The following FMN1 variants were observed in gnomAD, a reference collection of about 807,000 sequenced individuals.
FMN1 encodes the protein formin-1.
In FMN1, 110 loss-of-function variants were observed where a neutral mutation model predicts 132.4. That is an observed-to-expected ratio of 0.83 (90% CI 0.71 to 0.97). The LOEUF is 0.97. Ranked by LOEUF, FMN1 falls within the 50% of genes least tolerant of loss-of-function variation. The pLI is 0.00. For synonymous variants in FMN1, 722 were observed against 651.7 expected, an observed-to-expected ratio of 1.11 and a Z score of -1.64; for missense variants, 1,792 against 1,705.3, an observed-to-expected ratio of 1.05 and a Z score of -0.90.
At chr15:32,819,772 T>C (rs756327827) in intron 17 of FMN1, among the ~76,000 whole-genome samples, 5 of 152,162 alleles carry the variant, frequency 3.3e-5, no homozygotes, top group Non-Finnish European at 7.4e-5. Context: ...CCACTTCTCA[T>C]TTTGACGAGG....
rs374652397 is a variant in FMN1 at position 32,931,450 on chromosome 15, G to A, written c.3139-5189C>T. Among the ~76,000 whole-genome samples, 29 of 151,976 alleles carry A rather than the reference G, an allele frequency of 1.9e-4. 1 individual carries two copies. The highest frequency in any genetic ancestry group is 8.3e-4 in the South Asian group (4 of 4,816). On this transcript the variant is annotated intron_variant, in intron 9 of 20. Coordinates refer to ENST00000616417, the MANE Select transcript of FMN1 (RefSeq NM_001277313.2). ...TATTCCTAAGTATTTCATTTTTTTG[G>A]ATGTTACTTTAAATGAAATTGTTTT... is the stretch of plus-strand genomic sequence containing the variant.
chr15:33,094,401 C>T (rs2039005754), intron 4 of FMN1, among the ~76,000 whole-genome samples: 1 of 152,172 alleles, frequency 6.6e-6, no homozygotes, highest in Non-Finnish European at 1.5e-5. Context: ...ATCACACAGT[C>T]ATGTGAAAGG....
chr15:33,190,392 T>A (rs1966032827), intron 2 of FMN1, among the ~76,000 whole-genome samples: 2 of 152,176 alleles, frequency 1.3e-5, no homozygotes, highest in Non-Finnish European at 2.9e-5. Context: ...TTGGAAACCA[T>A]GAGGTTTCCC....
chr15:33,030,238 T>C (rs938871174), intron 6 of FMN1, among the ~76,000 whole-genome samples: 1 of 152,164 alleles, frequency 6.6e-6, no homozygotes, highest in African/African-American at 2.4e-5. Context: ...ATTAGCTGAC[T>C]GAAATGGAAA....
At chr15:33,076,935 CAT>C (rs902491593) in intron 5 of FMN1, among the ~76,000 whole-genome samples, 3 of 152,128 alleles carry the variant, frequency 2.0e-5, no homozygotes, top group South Asian at 2.1e-4. Flanking sequence ...CTAATACCCA[CAT>C]GATTAATTCA....
At chr15:32,866,376 G>C (rs1435006249) in intron 16 of FMN1, among the ~76,000 whole-genome samples, 1 of 151,916 alleles carries the variant, frequency 6.6e-6, no homozygotes, top group African/African-American at 2.4e-5. Flanking sequence ...AATCTTGTGA[G>C]GACTAAATAA....
At position 32,874,017 on chromosome 15, in the gene FMN1, G is replaced by GTTTTTTTTT. The variant is rs962842419; in HGVS notation, c.3835+14146_3835+14154dup. ...TATGATTCACAATTTTATTTTAGTT[G>GTTTTTTTTT]TTTTTTTTTTTTTTTTTTTGATACA... On this transcript the variant is annotated intron_variant, in intron 16 of 20. Coordinates refer to ENST00000616417, the MANE Select transcript of FMN1 (RefSeq NM_001277313.2). Among the ~76,000 whole-genome samples, 19 of 115,090 alleles carry GTTTTTTTTT rather than the reference G, an allele frequency of 1.7e-4. 1 individual carries two copies. Among genetic ancestry groups the GTTTTTTTTT allele is most frequent in the African/African-American group, 3.4e-4 (10 of 29,530 alleles). 75.5% of individuals were successfully genotyped at this position (115,090 alleles called of 152,430 possible).
chr15:32,997,252 CTGAAACCAG>C (rs2033825223), intron 7 of FMN1, among the ~76,000 whole-genome samples: 1 of 151,868 alleles, frequency 6.6e-6, no homozygotes, highest in African/African-American at 2.4e-5. Flanking sequence ...CACCTTATTT[CTGAAACCAG>C]TGAAATAAAA....
At chr15:32,941,650 A>G (rs976312514) in intron 9 of FMN1, among the ~76,000 whole-genome samples, 2 of 152,068 alleles carry the variant, frequency 1.3e-5, no homozygotes, top group African/African-American at 2.4e-5. Context: ...TAATCCTCCA[A>G]GTCATTTTCT....
chr15:33,099,512 G>A (rs2039213675), intron 4 of FMN1, among the ~76,000 whole-genome samples: 1 of 152,174 alleles, frequency 6.6e-6, no homozygotes, highest in Admixed American at 6.5e-5. Flanking sequence ...GAGCTATCAA[G>A]ATCAGCAAAC....
At chr15:32,975,631 A>C (rs1381324564) in intron 7 of FMN1, among the ~76,000 whole-genome samples, 1 of 152,078 alleles carries the variant, frequency 6.6e-6, no homozygotes, top group East Asian at 1.9e-4. Context: ...TAAAACATCC[A>C]AATTTTTTTT....
intron 7 of FMN1, among the ~76,000 whole-genome samples, chr15:32,989,388 T>G (rs1333966141): frequency 2.0e-5 from 3 of 152,156 alleles, no homozygotes; most frequent in African/African-American, 4.8e-5. Context: ...TCATGTATGA[T>G]GAGGAACCCT....
chr15:32,798,909 C>T lies in FMN1; in HGVS notation c.4025G>A (p.Gly1342Asp), dbSNP rs2057382780. 1.2e-6 allele frequency: 2 copies of T among 1,612,330 alleles called. No individual in the cohort carries two copies. Among genetic ancestry groups the T allele is most frequent in the Non-Finnish European group, 1.7e-6 (2 of 1,179,310 alleles). ...VRYFGMKPKSGEKEITPSYVF... is the reference protein window; with the variant it reads ...VRYFGMKPKSDEKEITPSYVF... ...GTAGCTGGGTGTGATCTCCTTCTCA[C>T]CAGACTTTGGCTTCATCCCAAAATA... The change falls in exon 19 of 21, where the codon GGT becomes GAT. Residue 1342 changes from glycine to aspartate, a missense_variant. This residue lies in a region of FMN1 where 1,150 missense variants were observed against 1,043.1 expected (regional missense o/e 1.10). Coordinates refer to ENST00000616417, the MANE Select transcript of FMN1 (RefSeq NM_001277313.2).
chr15:32,964,016 T>TACAC (rs374980152), intron 9 of FMN1, 91 bp downstream of exon 9: 38,711 of 501,732 alleles, frequency 0.077, 343 homozygotes, highest in South Asian at 0.13. Context: ...GTATATACGA[T>TACAC]ACACACACAC....
chr15:33,081,877 T>C (rs2141327228), intron 5 of FMN1, among the ~76,000 whole-genome samples: 1 of 152,290 alleles, frequency 6.6e-6, no homozygotes, highest in Middle Eastern at 3.4e-3. Context: ...ACATCCAGGT[T>C]CATAAGATAC....
At chr15:33,054,042 A>C (rs945241480) in intron 6 of FMN1, among the ~76,000 whole-genome samples, 1 of 152,144 alleles carries the variant, frequency 6.6e-6, no homozygotes, top group Non-Finnish European at 1.5e-5. Context: ...GTGCTAAAAA[A>C]TCCAACCCTC....
intron 4 of FMN1, chr15:33,150,208 C>A: frequency 1.0e-6 from 1 of 985,414 alleles, no homozygotes; most frequent in Middle Eastern, 5.2e-4. Flanking sequence ...TAAATGAAAG[C>A]AAGCAAAACA....
intron 10 of FMN1, among the ~76,000 whole-genome samples, chr15:32,915,742 A>G (rs2060668824): frequency 6.6e-6 from 1 of 152,234 alleles, no homozygotes; most frequent in Admixed American, 6.5e-5. Flanking sequence ...CACAAAGGGG[A>G]GACCCCAACA....
intron 7 of FMN1, among the ~76,000 whole-genome samples, chr15:33,004,209 A>G (rs2034280026): frequency 6.6e-6 from 1 of 152,222 alleles, no homozygotes; most frequent in South Asian, 2.1e-4. Flanking sequence ...TAATTAAACT[A>G]AAGAGCTTCT....
Sources: gnomAD v4.1 joint callset for allele counts (sites outside exome capture counted in the v4.1 genomes callset) on GRCh38, gnomAD v4.1.1 for gene constraint, gnomAD v4.1.1 regional missense constraint, MANE v1.5 for transcripts, NCBI Gene and HGNC (gene_info 2026-07-23, HGNC 2026-07-21) for gene names.